UTS2B: variants seen among roughly 807,000 people sequenced by gnomAD.
UTS2B encodes urotensin 2B, also known as urotensin-2B.
In UTS2B, 21 loss-of-function variants were observed where a neutral mutation model predicts 19.2. The observed-to-expected ratio is 1.09, with a 90% confidence interval of 0.78 to 1.58. The LOEUF (loss-of-function observed/expected upper bound fraction) is 1.58, where lower values mean the gene tolerates loss of function less well. Ranked by LOEUF, UTS2B falls within the 40% of genes most tolerant of loss-of-function variation. The pLI, the probability that UTS2B is intolerant of heterozygous loss-of-function variation, is 0.00. For missense variants in UTS2B, 138 were observed against 130.3 expected, an observed-to-expected ratio of 1.06 and a Z score of -0.29; for synonymous variants, 57 against 50.2, an observed-to-expected ratio of 1.14 and a Z score of -0.58.
chr3:191,299,128 G>T (rs1044031300), intron 4 of UTS2B, among the ~76,000 whole-genome samples: 1 of 132,434 alleles, frequency 7.6e-6, no homozygotes, highest in Non-Finnish European at 1.7e-5. Flanking sequence ...GGGAAGCAGA[G>T]CATAAAAGTT....
intron 4 of UTS2B, among the ~76,000 whole-genome samples, chr3:191,301,483 A>AT (rs750203551): frequency 0.07 from 7,935 of 113,820 alleles, 561 homozygotes; most frequent in East Asian, 0.13. Flanking sequence ...ATTTTTGGTA[A>AT]TTTTTTTTTT....
intron 4 of UTS2B, among the ~76,000 whole-genome samples, chr3:191,291,613 T>C (rs6765783): frequency 0.39 from 58,632 of 151,804 alleles, 11,832 homozygotes; most frequent in East Asian, 0.64. Flanking sequence ...CCACCACACC[T>C]GGCCAATTAT....
intron 2 of UTS2B, chr3:191,328,148 G>A (rs1717799525): frequency 6.6e-6 from 1 of 152,146 alleles, no homozygotes; most frequent in South Asian, 2.1e-4. Context: ...CTAAATTTTT[G>A]CTAGCCTAAA....
chr3:191,284,031 T>C (rs1216099737), intron 4 of UTS2B, among the ~76,000 whole-genome samples: 1 of 152,192 alleles, frequency 6.6e-6, no homozygotes, highest in Non-Finnish European at 1.5e-5. Flanking sequence ...ACAAGTCATA[T>C]ACTTAAAAAT....
intron 2 of UTS2B, among the ~76,000 whole-genome samples, chr3:191,316,750 C>T (rs9872208): frequency 0.29 from 43,918 of 152,036 alleles, 6,609 homozygotes; most frequent in African/African-American, 0.35. Context: ...GAGCACTGAT[C>T]GGTGCTTTTA....
chr3:191,271,780 A>C (rs995542954), intron 8 of UTS2B, among the ~76,000 whole-genome samples: 2 of 152,208 alleles, frequency 1.3e-5, no homozygotes, highest in African/African-American at 4.8e-5. Flanking sequence ...TGCCAAATGT[A>C]TATCTCTAAT....
chr3:191,288,258 G>A (rs1716610897), intron 4 of UTS2B, among the ~76,000 whole-genome samples: 3 of 152,106 alleles, frequency 2.0e-5, no homozygotes, highest in Admixed American at 2.0e-4. Context: ...ATTTTGTACA[G>A]AAATAGAAAT....
intron 4 of UTS2B, among the ~76,000 whole-genome samples, chr3:191,298,104 T>C (rs73888533): frequency 0.27 from 41,117 of 152,154 alleles, 6,327 homozygotes; most frequent in African/African-American, 0.41. Context: ...TTGTAGCATA[T>C]ATATTCATCT....
chr3:191,294,948 T>C (rs1222746248), intron 4 of UTS2B, among the ~76,000 whole-genome samples: 1 of 151,866 alleles, frequency 6.6e-6, no homozygotes. Context: ...TAAGAATCGC[T>C]TGATCCTGGG....
intron 8 of UTS2B, among the ~76,000 whole-genome samples, chr3:191,272,514 G>C (rs1228320082): frequency 6.6e-6 from 1 of 152,134 alleles, no homozygotes; most frequent in African/African-American, 2.4e-5. Context: ...CTAATTGTTG[G>C]ATATGTATGG....
chr3:191,283,979 ATG>A (rs1309188651), intron 4 of UTS2B, among the ~76,000 whole-genome samples: 3 of 152,130 alleles, frequency 2.0e-5, no homozygotes, highest in Non-Finnish European at 4.4e-5. Flanking sequence ...ATGTCATGTG[ATG>A]TAGAGAGAAT....
intron 2 of UTS2B, among the ~76,000 whole-genome samples, chr3:191,323,995 G>A (rs1156884253): frequency 5.9e-5 from 9 of 152,200 alleles, no homozygotes; most frequent in African/African-American, 9.7e-5. Context: ...CAAAACTCAC[G>A]TTGAAATTTA....
the UTS2B span, among the ~76,000 whole-genome samples, chr3:191,339,442 G>C: frequency 6.6e-6 from 1 of 152,112 alleles, no homozygotes; most frequent in Non-Finnish European, 1.5e-5. Flanking sequence ...AAAGGATTTG[G>C]ACAGAATCTT....
At chr3:191,308,430 T>G (rs1239553902) in intron 3 of UTS2B, among the ~76,000 whole-genome samples, 1 of 152,210 alleles carries the variant, frequency 6.6e-6, no homozygotes, top group Non-Finnish European at 1.5e-5. Flanking sequence ...CCTCAAAAAT[T>G]CAAAGGGGTT....
intron 8 of UTS2B, chr3:191,273,650 T>C (rs9877400): frequency 0.54 from 242,781 of 453,680 alleles, 67,068 homozygotes; most frequent in Non-Finnish European, 0.59. Context: ...AGATTTAGAT[T>C]ACAACTGTTA....
intron 1 of UTS2B, chr3:191,329,350 C>T (rs889828331): frequency 2.0e-5 from 6 of 299,858 alleles, no homozygotes; most frequent in African/African-American, 1.1e-4. Flanking sequence ...GGCCCGCCCG[C>T]CTTTCTGTCT....
In UTS2B at chr3:191,317,183, T is replaced by A. The variant is rs114686644; in HGVS notation, c.-585-744A>T. ...GAGGCGGCTGAGGCCTGGAAAGAGT[T>A]CCAGTGCGGCGCTCAGTGCTGGGGG... On this transcript the variant is annotated intron_variant, in intron 2 of 8. Transcript: ENST00000340524. 7.5e-3 allele frequency among the ~76,000 whole-genome samples: 1,136 copies of A among 152,254 alleles called. 12 individuals carry two copies. The highest frequency in any genetic ancestry group is 0.026 in the African/African-American group (1,096 of 41,540).
At chr3:191,329,494 G>C in intron 1 of UTS2B, 1 of 535,260 alleles carries the variant, frequency 1.9e-6, no homozygotes, top group Middle Eastern at 5.1e-4. Flanking sequence ...CTCGGGGACC[G>C]TCTCCCGCTG....
chr3:191,292,818 G>A (rs943504521), intron 4 of UTS2B, among the ~76,000 whole-genome samples: 1 of 152,016 alleles, frequency 6.6e-6, no homozygotes, highest in Non-Finnish European at 1.5e-5. Flanking sequence ...CCAGATTGAG[G>A]AAGTTCCCTT....
Sources: gnomAD v4.1 joint callset for allele counts (sites outside exome capture counted in the v4.1 genomes callset) on GRCh38, gnomAD v4.1.1 for gene constraint, MANE v1.5 for transcripts, NCBI Gene and HGNC (gene_info 2026-07-23, HGNC 2026-07-21) for gene names.